Variants in TLR5 observed in about 807,000 individuals in gnomAD.
TLR5 encodes the protein toll-like receptor 5.
For missense variants in TLR5, 944 were observed against 999.8 expected (o/e 0.94, Z 0.75); for synonymous variants, 373 against 384.4 (o/e 0.97, Z 0.35).
chr1:223,122,763 T>C (rs1280387222), intron 5 of TLR5, among the ~76,000 whole-genome samples: 1 of 152,198 alleles, frequency 6.6e-6, no homozygotes, highest in East Asian at 1.9e-4. Flanking sequence ...ATAGCTTTGA[T>C]CCTTTTTCCT....
Position 223,112,835 on chromosome 1 carries a change from A to G in TLR5, c.197T>C (p.Phe66Ser). The change falls in exon 6 of 6, where the codon TTC becomes TCC. Residue 66 changes from phenylalanine to serine, a missense_variant. By Grantham distance (155) the Phe-to-Ser change is radical. Coordinates refer to ENST00000642603, the MANE Select transcript of TLR5 (RefSeq NM_003268.6). The part of the protein sequence containing the change: ...NYIRTVTASS[F>S]PFLEQLQLLE... ...CAGCTGCAGCTGTTCCAGAAAGGGGAAGGATGAAGCAGTGACTGTCCTGAT... is the reference window on the plus strand; with the variant it reads ...CAGCTGCAGCTGTTCCAGAAAGGGGGAGGATGAAGCAGTGACTGTCCTGAT... 6.2e-7 allele frequency: 1 copy of G among 1,612,638 alleles called. No individual in the cohort carries two copies. Among genetic ancestry groups the G allele is most frequent in the Non-Finnish European group, 8.5e-7 (1 of 1,179,212 alleles).
rs758596845 is a variant in TLR5 at position 223,112,462 on chromosome 1, G to A, written c.570C>T (p.Leu190=). Residue 190 remains leucine, a synonymous_variant, in exon 6 of 6, where the codon CTC becomes CTT. Transcript: ENST00000642603. ...AGAGCGTTTTCCCTTGTAGGGGCTC[G>A]AGCTCATGTTCACATACAAGGAATA... ...NQIFLVCEHE[L]EPLQGKTLSF... 1.4e-5 allele frequency: 22 copies of A among 1,614,112 alleles called. No homozygotes were observed. The highest frequency in any genetic ancestry group is 1.6e-4 in the Middle Eastern group (1 of 6,084).
At position 223,111,433 on chromosome 1, in the gene TLR5, G is replaced by A. The variant is rs1656331410; in HGVS notation, c.1599C>T (p.Leu533=). ...SHLTALRGLS[L]NSNRLTVLSH... is the part of the protein sequence containing the mutation. ...AAAGAACTGTCAGCCTGTTGGAGTT[G>A]AGGCTTAGTCCCCTTAATGCAGTCA... The change falls in exon 6 of 6, where the codon CTC becomes CTT. Residue 533 remains leucine (L), a synonymous_variant. Coordinates refer to ENST00000642603, the MANE Select transcript of TLR5 (RefSeq NM_003268.6). 6.2e-7 allele frequency: 1 copy of A among 1,614,070 alleles called. No homozygotes were observed. The highest frequency in any genetic ancestry group is 8.5e-7 in the Non-Finnish European group (1 of 1,180,038).
At chr1:223,137,803 G>A (rs1424016470) in intron 2 of TLR5, among the ~76,000 whole-genome samples, 1 of 152,074 alleles carries the variant, frequency 6.6e-6, no homozygotes, top group African/African-American at 2.4e-5. Flanking sequence ...CAAACAGAAA[G>A]TCTTCTCTTG....
chr1:223,138,239 G>A (rs1261013230), intron 2 of TLR5, among the ~76,000 whole-genome samples: 1 of 151,980 alleles, frequency 6.6e-6, no homozygotes, highest in East Asian at 1.9e-4. Flanking sequence ...TTACAGGCAT[G>A]AACTACTGTA....
At chr1:223,137,453 TA>T (rs1422840137) in intron 2 of TLR5, among the ~76,000 whole-genome samples, 190 bp from the exon 3 acceptor site, 1 of 152,228 alleles carries the variant, frequency 6.6e-6, no homozygotes, top group African/African-American at 2.4e-5. Flanking sequence ...ACTGTGTTAT[TA>T]ATTTGTGCAC....
Position 223,112,291 on chromosome 1 carries a change from GC to G in TLR5, c.740del (p.Ser247ThrfsTer12), listed in dbSNP as rs1656392282. 2 of 1,614,190 alleles carry G rather than the reference GC, an allele frequency of 1.2e-6. No individual in the cohort carries two copies. The highest frequency in any genetic ancestry group is 1.7e-6 in the Non-Finnish European group (2 of 1,180,034). On this transcript the variant is annotated frameshift_variant, in exon 6 of 6. Transcript: ENST00000642603. LOFTEE classifies it low-confidence loss of function (END_TRUNC). ...GWTVDITGNF[S>X]NAISKSQAFS... ...AGGCCTGGCTTTTGCTGATGGCATT[GC>G]TAAAGTTTCCTGTGATGTCCACTGT...
rs1656273888 is a variant in TLR5, at chr1:223,110,711, T to C, written c.2321A>G (p.Tyr774Cys). 1.2e-6 allele frequency: 2 copies of C among 1,614,086 alleles called. No individual in the cohort carries two copies. Among genetic ancestry groups the C allele is most frequent in the East Asian group, 2.2e-5 (1 of 44,900 alleles). Reference sequence around the variant, plus strand: ...GTCAGATAAGCACCTGCCCTGGGCATAACTGAAGGCTTCAAGGCACCAGCC... The same window carrying C: ...GTCAGATAAGCACCTGCCCTGGGCACAACTGAAGGCTTCAAGGCACCAGCC... ...RDGWCLEAFS[Y>C]AQGRCLSDLN... The change falls in exon 6 of 6, where the codon TAT becomes TGT. Residue 774 changes from tyrosine to cysteine, a missense_variant. Physicochemically the swap from Tyr to Cys is radical, Grantham distance 194. Coordinates refer to ENST00000642603, the MANE Select transcript of TLR5 (RefSeq NM_003268.6).
At chr1:223,133,634 G>C (rs5744157) in intron 4 of TLR5, among the ~76,000 whole-genome samples, 11,000 of 152,238 alleles carry the variant, frequency 0.072, 509 homozygotes, top group Middle Eastern at 0.14. Context: ...TTTTGAGAAG[G>C]GGCTATACTA....
At chr1:223,123,816 G>C (rs538182927) in intron 5 of TLR5, 1 of 152,356 alleles carries the variant, frequency 6.6e-6, no homozygotes, top group African/African-American at 2.4e-5. Context: ...TCAGTGAGAC[G>C]AGAGTTCAAG....
rs114857372 is a variant in TLR5, at chr1:223,114,998, T to G, written c.-4-1963A>C. Among the ~76,000 whole-genome samples, 407 of 152,258 alleles carry G rather than the reference T, an allele frequency of 2.7e-3. 3 individuals are homozygous for G. The highest frequency in any genetic ancestry group is 9.6e-3 in the African/African-American group (399 of 41,546). On this transcript the variant is annotated intron_variant, in intron 5 of 5. Transcript: ENST00000642603. ...GCCAGACTGGAGACTCCTCACTGGC[T>G]CTCTTATTTCTGGTCTTGCTTTCAT...
intron 5 of TLR5, among the ~76,000 whole-genome samples, chr1:223,129,917 G>A (rs1289637399): frequency 6.6e-6 from 1 of 152,176 alleles, no homozygotes; most frequent in Non-Finnish European, 1.5e-5. Flanking sequence ...ACTGATGCCC[G>A]GTGGTCTCAT....
chr1:223,124,006 C>G (rs1460409536), intron 5 of TLR5: 1 of 152,238 alleles, frequency 6.6e-6, no homozygotes, highest in Admixed American at 6.5e-5. Flanking sequence ...ATAATTACAT[C>G]TACAGTTAGT....
intron 1 of TLR5, 90 bp from the exon 2 acceptor site, chr1:223,141,853 A>AGG (rs1657888073): frequency 1.4e-5 from 2 of 146,520 alleles, no homozygotes; most frequent in African/African-American, 2.5e-5. Context: ...AGAGAGAGAG[A>AGG]GAGAAAGAGA....
chr1:223,125,983 C>T (rs2102908029), intron 5 of TLR5, among the ~76,000 whole-genome samples: 1 of 152,294 alleles, frequency 6.6e-6, no homozygotes, highest in East Asian at 1.9e-4. Context: ...TGTCGCATGA[C>T]CCAGCAATTC....
intron 5 of TLR5, among the ~76,000 whole-genome samples, chr1:223,120,311 C>T (rs1346432728): frequency 1.3e-5 from 2 of 152,162 alleles, no homozygotes; most frequent in African/African-American, 4.8e-5. Flanking sequence ...TCTTCACAAC[C>T]CCTTGATTCC....
rs778719251 is a variant in TLR5 at position 223,111,629 on chromosome 1, G to C, written c.1403C>G (p.Thr468Ser). Residue 468 changes from threonine to serine, a missense_variant, in exon 6 of 6, where the codon ACC becomes AGC. Physicochemically the swap from Thr to Ser is moderately conservative, Grantham distance 58 (BLOSUM62 1). Coordinates refer to ENST00000642603, the MANE Select transcript of TLR5 (RefSeq NM_003268.6). ...TTCTAAGCTGGGATTCTCTGAAGGG[G>C]TTTGATCTCCACTACAGGAGGAGAA... ...NRFSSCSGDQTPSENPSLEQL... is the reference protein window; with the variant it reads ...NRFSSCSGDQSPSENPSLEQL... 6.2e-7 allele frequency: 1 copy of C among 1,614,136 alleles called. No homozygotes were observed. Among genetic ancestry groups the C allele is most frequent in the Non-Finnish European group, 8.5e-7 (1 of 1,180,018 alleles).
At chr1:223,121,693 C>T (rs1369712899) in intron 5 of TLR5, among the ~76,000 whole-genome samples, 1 of 152,200 alleles carries the variant, frequency 6.6e-6, no homozygotes, top group East Asian at 1.9e-4. Context: ...AATTTTTGTA[C>T]TTTTTTTGTA....
intron 5 of TLR5, among the ~76,000 whole-genome samples, chr1:223,123,246 G>C (rs1657021491): frequency 6.6e-6 from 1 of 152,118 alleles, no homozygotes; most frequent in Non-Finnish European, 1.5e-5. Flanking sequence ...CTGAAGAACA[G>C]TTACATTTTT....
Sources: gnomAD v4.1 joint callset for allele counts (sites outside exome capture counted in the v4.1 genomes callset) on GRCh38, gnomAD v4.1.1 for gene constraint, MANE v1.5 for transcripts, NCBI Gene and HGNC (gene_info 2026-07-23, HGNC 2026-07-21) for gene names.